The following RAX2 variants were observed in gnomAD, a reference collection of about 807,000 sequenced individuals.
RAX2 encodes the protein retina and anterior neural fold homeobox 2, also known as retina and anterior neural fold homeobox protein 2.
Under a neutral mutation model 5.8 loss-of-function variants are expected in RAX2, and 4 were observed. That is an observed-to-expected ratio of 0.69 (90% CI 0.34 to 1.58). The LOEUF (loss-of-function observed/expected upper bound fraction) is 1.58, where lower values mean the gene tolerates loss of function less well. Ranked by LOEUF, RAX2 falls within the 40% of genes most tolerant of loss-of-function variation. The pLI, the probability that RAX2 is intolerant of heterozygous loss-of-function variation, is 0.05. For missense variants in RAX2, 275 were observed against 271.4 expected (o/e 1.01, Z -0.09); for synonymous variants, 133 against 128.8 (o/e 1.03, Z -0.22).
chr19:3,771,931 T>C lies in RAX2; in HGVS notation c.-189A>G. 9.4e-7 allele frequency: 1 copy of C among 1,066,306 alleles called. No homozygotes were observed. Among genetic ancestry groups the C allele is most frequent in the Non-Finnish European group, 1.3e-6 (1 of 762,592 alleles). The allele number at this position is 1,066,306 out of a possible 1,614,324, so 66.1% of individuals were successfully genotyped here. A position where few individuals can be genotyped will look rare whatever the true frequency, so the allele number is the denominator to read the frequency against. On this transcript the variant is annotated 5_prime_UTR_variant, in exon 2 of 3. Transcript: ENST00000555633. The surrounding 1 kb of genome is among the most constrained non-coding windows in gnomAD (Gnocchi z 4.2). ...CCTCGGGCTTGGGGGGGTCTCCTGC[T>C]GTGCCTCTGTCTGCTCTTCCTTCTC...
Position 3,770,832 on chromosome 19 carries a change from G to T in RAX2, c.344C>A (p.Ser115Ter), listed in dbSNP as rs398124431. The change falls in exon 3 of 3, where the codon TCG (serine) becomes TAG (stop). Residue 115 changes from serine to a stop codon, truncating the protein, a stop_gained. Transcript: ENST00000555633. LOFTEE classifies it low-confidence loss of function (END_TRUNC). ...GCCCAACCAGGGCTCCAGGGGCAGCGACATGGCCGGGGGGCGGGCGAACGG... is the reference window on the plus strand; with the variant it reads ...GCCCAACCAGGGCTCCAGGGGCAGCTACATGGCCGGGGGGCGGGCGAACGG... ...ALPFARPPAM[S>*]LPLEPWLGPG... The T allele has an allele frequency of 6.6e-7, 1 of 1,524,934 alleles. No individual in the cohort carries two copies. The highest frequency in any genetic ancestry group is 8.8e-7 in the Non-Finnish European group (1 of 1,141,586). The allele number at this position is 1,524,934 out of a possible 1,614,324, so 94.5% of individuals were successfully genotyped here.
chr19:3,771,455 G>A lies in RAX2; in HGVS notation c.216+72C>T, dbSNP rs140251615. On this transcript the variant is annotated intron_variant, in intron 2 of 2. Coordinates refer to ENST00000555633, the MANE Select transcript of RAX2 (RefSeq NM_001319074.4). The surrounding 1 kb of genome is among the most constrained non-coding windows in gnomAD (Gnocchi z 4.2). ...CTAGCTTCTCTTCTGCTGTTGCTCC[G>A]GGAGGGTCAGGATCTTGCTTTGCCT... 7.7e-3 allele frequency: 9,703 copies of A among 1,253,490 alleles called. 54 individuals are homozygous for A. Among genetic ancestry groups the A allele is most frequent in the Non-Finnish European group, 9.7e-3 (8,550 of 880,128 alleles). The allele number at this position is 1,253,490 out of a possible 1,614,324, so 77.6% of individuals were successfully genotyped here.
Position 3,770,582 on chromosome 19 carries a change from C to T in RAX2, c.*39G>A, listed in dbSNP as rs1252389963. On this transcript the variant is annotated 3_prime_UTR_variant, in exon 3 of 3. Transcript: ENST00000555633. Reference sequence around the variant, plus strand: ...GTCACCAGGGCACGTCCCCGGTTCTCGGGTTGGGCCGAGGAGGGGGCCCGG... The same window carrying T: ...GTCACCAGGGCACGTCCCCGGTTCTTGGGTTGGGCCGAGGAGGGGGCCCGG... 26 of 1,514,292 alleles carry T rather than the reference C, an allele frequency of 1.7e-5. No homozygotes were observed. Among genetic ancestry groups the T allele is most frequent in the Middle Eastern group, 4.6e-4 (2 of 4,372 alleles). The allele number at this position is 1,514,292 out of a possible 1,614,324, so 93.8% of individuals were successfully genotyped here. A position where few individuals can be genotyped will look rare whatever the true frequency, so the allele number is the denominator to read the frequency against.
In RAX2 at chr19:3,771,790, C is replaced by CT; in HGVS notation, c.-49dup. ...AGCGGGACAGATGGTGGGGAGACGG[C>CT]TGGGGGGGCTACCGGCAGGGACAGG... On this transcript the variant is annotated 5_prime_UTR_variant, in exon 2 of 3. Transcript: ENST00000555633. The surrounding 1 kb of genome is among the most constrained non-coding windows in gnomAD (Gnocchi z 4.2). The CT allele has an allele frequency of 3.9e-6, 6 of 1,532,614 alleles. No homozygotes were observed. The highest frequency in any genetic ancestry group is 4.8e-5 in the East Asian group (2 of 41,620). 94.9% of individuals were successfully genotyped at this position (1,532,614 alleles called of 1,614,324 possible).
At position 3,771,578 on chromosome 19, in the gene RAX2, G is replaced by A. The variant is rs2037261978; in HGVS notation, c.165C>T (p.Tyr55=). ...AFEASHYPDV[Y]SREELAAKVH... ...CCTTGGCTGCCAGCTCCTCACGGCT[G>A]TACACATCCGGGTAGTGAGAGGCCT... is the stretch of plus-strand genomic sequence containing the variant. Residue 55 remains tyrosine (Y), a synonymous_variant, in exon 2 of 3, where the codon TAC becomes TAT. Transcript: ENST00000555633. The surrounding 1 kb of genome is among the most constrained non-coding windows in gnomAD (Gnocchi z 4.2). The A allele has an allele frequency of 2.5e-6, 4 of 1,611,016 alleles. No individual in the cohort carries two copies. Among genetic ancestry groups the A allele is most frequent in the Non-Finnish European group, 3.4e-6 (4 of 1,179,168 alleles).
In RAX2 at chr19:3,771,070, C is replaced by G. The variant is rs1039617603; in HGVS notation, c.217-111G>C. 2 of 791,210 alleles carry G rather than the reference C, an allele frequency of 2.5e-6. No individual in the cohort carries two copies. The highest frequency in any genetic ancestry group is 2.7e-5 in the East Asian group (1 of 36,376). 49.0% of individuals were successfully genotyped at this position (791,210 alleles called of 1,614,324 possible). On this transcript the variant is annotated intron_variant, in intron 2 of 2. Transcript: ENST00000555633. The surrounding 1 kb of genome is among the most constrained non-coding windows in gnomAD (Gnocchi z 4.2). ...TGGGGGTTCTGACTCCCGTCTGACCCGACTCCTACCTGCTGCTTCGCTGTT... is the reference window on the plus strand; with the variant it reads ...TGGGGGTTCTGACTCCCGTCTGACCGGACTCCTACCTGCTGCTTCGCTGTT...
rs1308390277 is a variant in RAX2 at position 3,770,491 on chromosome 19, AGTG to A, written c.*127_*129del. 2.0e-5 allele frequency: 15 copies of A among 743,150 alleles called. No individual in the cohort carries two copies. Among genetic ancestry groups the A allele is most frequent in the Non-Finnish European group, 2.1e-6 (1 of 471,538 alleles). 46.0% of individuals were successfully genotyped at this position (743,150 alleles called of 1,614,324 possible). A position where few individuals can be genotyped will look rare whatever the true frequency, so the allele number is the denominator to read the frequency against. ...GCCTGTCTCTCTGGTCCCGCTCCCC[AGTG>A]GTGGTGGCCTGGCCTGACCACGGTT... On this transcript the variant is annotated 3_prime_UTR_variant, in exon 3 of 3. Transcript: ENST00000555633.
Position 3,771,652 on chromosome 19 carries a change from G to T in RAX2, c.91C>A (p.Arg31Ser). Residue 31 changes from arginine to serine, a missense_variant, in exon 2 of 3, where the codon CGC (arginine) becomes AGC (serine). Coordinates refer to ENST00000555633, the MANE Select transcript of RAX2 (RefSeq NM_001319074.4). This position sits in a 1 kb window ranked among gnomAD's most constrained non-coding sequence, Gnocchi z 4.2. ...AGCTGGTAGGTGGTGAAGGTGGTGC[G>T]GTTCCTCCGGTGCTTCTTCTTGGGG... ...EAPKKKHRRNRTTFTTYQLHQ... is the reference protein window; with the variant it reads ...EAPKKKHRRNSTTFTTYQLHQ... 7 of 1,613,500 alleles carry T rather than the reference G, an allele frequency of 4.3e-6. No homozygotes were observed. The highest frequency in any genetic ancestry group is 5.9e-6 in the Non-Finnish European group (7 of 1,179,954).
In RAX2 at chr19:3,771,660, C is replaced by T. The variant is rs199546013; in HGVS notation, c.83G>A (p.Arg28Gln). The change falls in exon 2 of 3, where the codon CGG (arginine) becomes CAG (glutamine). Residue 28 changes from arginine to glutamine, a missense_variant. Arg to Gln is a conservative substitution (Grantham distance 43). Coordinates refer to ENST00000555633, the MANE Select transcript of RAX2 (RefSeq NM_001319074.4). The surrounding 1 kb of genome is among the most constrained non-coding windows in gnomAD (Gnocchi z 4.2). ...GGTGGTGAAGGTGGTGCGGTTCCTC[C>T]GGTGCTTCTTCTTGGGGGCCTCCTC... ...PGEEAPKKKH[R>Q]RNRTTFTTYQ... The T allele has an allele frequency of 2.1e-4, 339 of 1,613,334 alleles. No homozygotes were observed. The highest frequency in any genetic ancestry group is 2.8e-4 in the Non-Finnish European group (326 of 1,179,962).
rs1337070706 is a variant in RAX2 at position 3,771,589 on chromosome 19, G to T, written c.154C>A (p.Pro52Thr). The change falls in exon 2 of 3, where the codon CCG (proline) becomes ACG (threonine). Residue 52 changes from proline to threonine, a missense_variant. Physicochemically the swap from Pro to Thr is conservative, Grantham distance 38. Coordinates refer to ENST00000555633, the MANE Select transcript of RAX2 (RefSeq NM_001319074.4). This position sits in a 1 kb window ranked among gnomAD's most constrained non-coding sequence, Gnocchi z 4.2. The part of the protein sequence containing the change: ...LERAFEASHY[P>T]DVYSREELAA... ...AGCTCCTCACGGCTGTACACATCCGGGTAGTGAGAGGCCTCGAACGCCCGC... is the reference window on the plus strand; with the variant it reads ...AGCTCCTCACGGCTGTACACATCCGTGTAGTGAGAGGCCTCGAACGCCCGC... 1 of 1,611,928 alleles carries T rather than the reference G, an allele frequency of 6.2e-7. No homozygotes were observed. The highest frequency in any genetic ancestry group is 8.5e-7 in the Non-Finnish European group (1 of 1,179,448).
rs1412126974 is a variant in RAX2, at chr19:3,769,290, TG to T, written c.*1330del. 6.6e-6 allele frequency: 1 copy of T among 152,204 alleles called. No individual in the cohort carries two copies. The highest frequency in any genetic ancestry group is 1.5e-5 in the Non-Finnish European group (1 of 68,108). 9.4% of individuals were successfully genotyped at this position (152,204 alleles called of 1,614,324 possible). A position where few individuals can be genotyped will look rare whatever the true frequency, so the allele number is the denominator to read the frequency against. On this transcript the variant is annotated 3_prime_UTR_variant, in exon 3 of 3. Transcript: ENST00000555633. ...CACATTTTAAAAACGTTTGTGGAGA[TG>T]GGGTCTTGCTGTGTCACCCAGGCTG...
rs2037253897 is a variant in RAX2 at position 3,771,102 on chromosome 19, CAAG to C, written c.217-146_217-144del. ...TACCTGCTGCTTCGCTGTTCTGCCC[CAAG>C]AAGATGAGGATCTCCCAAGCGTTCC... On this transcript the variant is annotated intron_variant, in intron 2 of 2. Transcript: ENST00000555633. This position sits in a 1 kb window ranked among gnomAD's most constrained non-coding sequence, Gnocchi z 4.2. 1.5e-6 allele frequency: 1 copy of C among 676,596 alleles called. No individual in the cohort carries two copies. The highest frequency in any genetic ancestry group is 1.8e-5 in the African/African-American group (1 of 55,946). 41.9% of individuals were successfully genotyped at this position (676,596 alleles called of 1,614,324 possible).
rs2037232091 is a variant in RAX2 at position 3,769,864 on chromosome 19, T to A, written c.*757A>T. 6.6e-6 allele frequency: 1 copy of A among 152,506 alleles called. No individual in the cohort carries two copies. Among genetic ancestry groups the A allele is most frequent in the African/African-American group, 2.4e-5 (1 of 41,242 alleles). 9.4% of individuals were successfully genotyped at this position (152,506 alleles called of 1,614,324 possible). A position where few individuals can be genotyped will look rare whatever the true frequency, so the allele number is the denominator to read the frequency against. On this transcript the variant is annotated 3_prime_UTR_variant, in exon 3 of 3. Coordinates refer to ENST00000555633, the MANE Select transcript of RAX2 (RefSeq NM_001319074.4). The stretch of plus-strand genomic sequence containing the variant: ...TCTGACGATGACGACACACCCAGCA[T>A]CAGCCCGCCTCCACCTGGAGGCCCA...
chr19:3,770,997 T>C (rs1264673911), intron 2 of RAX2, 38 bp from the exon 3 acceptor site: 8 of 1,469,728 alleles, frequency 5.4e-6, no homozygotes, highest in Non-Finnish European at 7.4e-6. Flanking sequence ...TGCTGTGAGC[T>C]CAGCCGCTCC....
In RAX2 at chr19:3,771,659, C is replaced by T. The variant is rs535943685; in HGVS notation, c.84G>A (p.Arg28=). The change falls in exon 2 of 3, where the codon CGG becomes CGA. Residue 28 remains arginine (R), a synonymous_variant. Coordinates refer to ENST00000555633, the MANE Select transcript of RAX2 (RefSeq NM_001319074.4). The surrounding 1 kb of genome is among the most constrained non-coding windows in gnomAD (Gnocchi z 4.2). ...AGGTGGTGAAGGTGGTGCGGTTCCT[C>T]CGGTGCTTCTTCTTGGGGGCCTCCT... ...PGEEAPKKKH[R]RNRTTFTTYQ... 6.2e-7 allele frequency: 1 copy of T among 1,613,490 alleles called. No individual in the cohort carries two copies. The highest frequency in any genetic ancestry group is 2.2e-5 in the East Asian group (1 of 44,878).
At position 3,771,781 on chromosome 19, in the gene RAX2, G is replaced by A. The variant is rs1374577135; in HGVS notation, c.-39C>T. ...TGGGACGGCAGCGGGACAGATGGTG[G>A]GGAGACGGCTGGGGGGGCTACCGGC... On this transcript the variant is annotated 5_prime_UTR_variant, in exon 2 of 3. Transcript: ENST00000555633. This position sits in a 1 kb window ranked among gnomAD's most constrained non-coding sequence, Gnocchi z 4.2. 1 of 1,546,610 alleles carries A rather than the reference G, an allele frequency of 6.5e-7. No individual in the cohort carries two copies. Among genetic ancestry groups the A allele is most frequent in the East Asian group, 2.4e-5 (1 of 42,354 alleles).
In RAX2 at chr19:3,770,916, C is replaced by A. The variant is rs121908280; in HGVS notation, c.260G>T (p.Arg87Leu). ...NRRAKWRRQE[R>L]LESGSGAVAA... is the part of the protein sequence containing the mutation. The stretch of plus-strand genomic sequence containing the variant: ...CACGGCACCCGAGCCTGACTCCAGC[C>A]GCTCCTGGCGGCGCCACTTGGCCCG... The change falls in exon 3 of 3, where the codon CGG becomes CTG. Residue 87 changes from arginine to leucine, a missense_variant. Physicochemically the swap from Arg to Leu is moderately radical, Grantham distance 102. Coordinates refer to ENST00000555633, the MANE Select transcript of RAX2 (RefSeq NM_001319074.4). 1 of 1,557,404 alleles carries A rather than the reference C, an allele frequency of 6.4e-7. No homozygotes were observed. Among genetic ancestry groups the A allele is most frequent in the South Asian group, 1.2e-5 (1 of 86,144 alleles).
rs1030315829 is a variant in RAX2, at chr19:3,770,847, C to T, written c.329G>A (p.Arg110His). 6.5e-6 allele frequency: 10 copies of T among 1,527,364 alleles called. No individual in the cohort carries two copies. The highest frequency in any genetic ancestry group is 5.5e-5 in the African/African-American group (4 of 72,264). 94.6% of individuals were successfully genotyped at this position (1,527,364 alleles called of 1,614,324 possible). Residue 110 changes from arginine to histidine, a missense_variant, in exon 3 of 3, where the codon CGC becomes CAC. By Grantham distance (29) the Arg-to-His change is conservative. Coordinates refer to ENST00000555633, the MANE Select transcript of RAX2 (RefSeq NM_001319074.4). Reference protein sequence around the residue: ...LPEAPALPFARPPAMSLPLEP... With the variant: ...LPEAPALPFAHPPAMSLPLEP... ...CAGGGGCAGCGACATGGCCGGGGGG[C>T]GGGCGAACGGCAGCGCTGGGGCCTC...
intron 1 of RAX2, 45 bp from the exon 2 acceptor site, chr19:3,772,055 C>G (rs534151914): frequency 1.5e-5 from 7 of 475,150 alleles, no homozygotes; most frequent in Admixed American, 3.3e-5. Context: ...GATGCCCCCC[C>G]GTCAAGGAAG....
Sources: allele counts gnomAD v4.1 joint callset, GRCh38; gene constraint gnomAD v4.1.1; non-coding constraint Gnocchi (gnomAD v3.1); transcripts MANE v1.5; gene names NCBI Gene and HGNC (gene_info 2026-07-23, HGNC 2026-07-21).